The following SLC1A2 variants were observed in gnomAD, a reference collection of about 807,000 sequenced individuals.
SLC1A2 encodes the protein excitatory amino acid transporter 2.
SLC1A2 carries 15 observed loss-of-function variants against 48.8 expected under a neutral mutation model. The ratio of observed to expected loss-of-function variants is 0.31; its 90% CI spans 0.21 to 0.47. SLC1A2 has a LOEUF of 0.47. SLC1A2 is among the 20% of genes least tolerant of loss of function. The pLI, the probability that SLC1A2 is intolerant of heterozygous loss-of-function variation, is 0.99. For missense variants in SLC1A2, 502 were observed against 730.5 expected, an observed-to-expected ratio of 0.69 and a Z score of 3.61; for synonymous variants, 279 against 272.6, an observed-to-expected ratio of 1.02 and a Z score of -0.23.
chr11:35,276,315 C>G (rs1351873821), intron 9 of SLC1A2, among the ~76,000 whole-genome samples: 1 of 152,158 alleles, frequency 6.6e-6, no homozygotes, highest in Non-Finnish European at 1.5e-5. Flanking sequence ...TCACACTCCT[C>G]CCTCCATTTG....
chr11:35,361,349 T>G (rs1393438173), intron 1 of SLC1A2, among the ~76,000 whole-genome samples: 1 of 152,178 alleles, frequency 6.6e-6, no homozygotes, highest in African/African-American at 2.4e-5. Context: ...ATGTTAACTT[T>G]TTGTTTGTTT....
In SLC1A2 at chr11:35,260,477, G is replaced by C. The variant is rs1321008042; in HGVS notation, c.*417C>G. The C allele has an allele frequency of 6.0e-6, 1 of 165,430 alleles. No homozygotes were observed. The highest frequency in any genetic ancestry group is 1.7e-4 in the East Asian group (1 of 5,892). The allele number at this position is 165,430 out of a possible 1,614,324, so 10.2% of individuals were successfully genotyped here. A position where few individuals can be genotyped will look rare whatever the true frequency, so the allele number is the denominator to read the frequency against. ...CTTGTGCATAACAAGGCGAGACATG[G>C]AGAACACTTTAAGGAATAACACGCT... On this transcript the variant is annotated 3_prime_UTR_variant, in exon 11 of 11. Coordinates refer to ENST00000278379, the MANE Select transcript of SLC1A2 (RefSeq NM_004171.4).
intron 1 of SLC1A2, among the ~76,000 whole-genome samples, chr11:35,389,270 C>T (rs1344253579): frequency 6.6e-6 from 1 of 152,114 alleles, no homozygotes; most frequent in Non-Finnish European, 1.5e-5. Flanking sequence ...ATGCTTAAAT[C>T]ACTGGGTGAA....
chr11:35,297,842 C>G (rs901974498), intron 6 of SLC1A2: 1 of 152,172 alleles, frequency 6.6e-6, no homozygotes, highest in African/African-American at 2.4e-5. Context: ...AGACAGTTCC[C>G]AGCACAAAGA....
At chr11:35,335,859 T>A (rs1168069399) in intron 1 of SLC1A2, among the ~76,000 whole-genome samples, 1 of 152,146 alleles carries the variant, frequency 6.6e-6, no homozygotes, top group Non-Finnish European at 1.5e-5. Context: ...TAAATAAAAT[T>A]TTTAAAAAAT....
intron 1 of SLC1A2, among the ~76,000 whole-genome samples, chr11:35,384,676 G>C (rs781240634): frequency 2.0e-5 from 3 of 152,190 alleles, no homozygotes; most frequent in Non-Finnish European, 2.9e-5. Flanking sequence ...CCCAATTTCT[G>C]AATGTTCAGA....
intron 1 of SLC1A2, among the ~76,000 whole-genome samples, chr11:35,344,703 C>G (rs1056795775): frequency 6.6e-6 from 1 of 152,194 alleles, no homozygotes; most frequent in Admixed American, 6.5e-5. Context: ...AAAAGAAGGC[C>G]AACCTCCCTC....
chr11:35,282,893 A>AGAGC (rs1422510412), intron 8 of SLC1A2, among the ~76,000 whole-genome samples: 1 of 152,100 alleles, frequency 6.6e-6, no homozygotes, highest in East Asian at 1.9e-4. Context: ...TGTGTGTGGA[A>AGAGC]TTCTAAGCCC....
intron 6 of SLC1A2, chr11:35,298,394 T>A (rs1026814609): frequency 1.3e-5 from 2 of 152,228 alleles, no homozygotes; most frequent in Non-Finnish European, 2.9e-5. Flanking sequence ...ATTACTATTA[T>A]AACTGCTACA....
At position 35,268,098 on chromosome 11, in the gene SLC1A2, A is replaced by G. The variant is rs959235172; in HGVS notation, c.1422-2340T>C. Reference sequence around the variant, plus strand: ...GGCTACAGACTGTTTCTGTGATTCCATGTTTTTTTCTTCTGGGCATGTCTT... The same window carrying G: ...GGCTACAGACTGTTTCTGTGATTCCGTGTTTTTTTCTTCTGGGCATGTCTT... On this transcript the variant is annotated intron_variant, in intron 9 of 10. Transcript: ENST00000278379. 2.2e-4 allele frequency among the ~76,000 whole-genome samples: 34 copies of G among 152,214 alleles called. 1 individual carries two copies. The highest frequency in any genetic ancestry group is 1.3e-3 in the East Asian group (7 of 5,200).
chr11:35,286,564 GGAGGTATTAATAA>G (rs1364723340), intron 8 of SLC1A2, 180 bp downstream of exon 8: 2 of 459,750 alleles, frequency 4.4e-6, no homozygotes, highest in Non-Finnish European at 7.8e-6. Flanking sequence ...AATACAAACA[GGAGGTATTAATAA>G]GAGTCTTCTT....
chr11:35,299,544 A>C (rs1352563569), intron 6 of SLC1A2: 1 of 152,112 alleles, frequency 6.6e-6, no homozygotes, highest in Non-Finnish European at 1.5e-5. Flanking sequence ...TTTTAAAAGC[A>C]CCGTAAAACA....
chr11:35,323,736 A>G (rs1413377626), intron 1 of SLC1A2, among the ~76,000 whole-genome samples: 1 of 152,244 alleles, frequency 6.6e-6, no homozygotes, highest in Non-Finnish European at 1.5e-5. Flanking sequence ...GCGACAAACC[A>G]ACAGCAACAA....
At chr11:35,341,167 GC>G (rs1315814196) in intron 1 of SLC1A2, among the ~76,000 whole-genome samples, 1 of 152,126 alleles carries the variant, frequency 6.6e-6, no homozygotes, top group Non-Finnish European at 1.5e-5. Context: ...GTTCAGGTTC[GC>G]CCCGAAGTGC....
chr11:35,254,467 G>A lies in SLC1A2; in HGVS notation c.*6427C>T, dbSNP rs149612416. ...AGGGAATTCGCTCCATGGGTCCATGGGGGAGAAACCTCAGAGATGTGCTGG... is the reference window on the plus strand; with the variant it reads ...AGGGAATTCGCTCCATGGGTCCATGAGGGAGAAACCTCAGAGATGTGCTGG... On this transcript the variant is annotated 3_prime_UTR_variant, in exon 11 of 11. Coordinates refer to ENST00000278379, the MANE Select transcript of SLC1A2 (RefSeq NM_004171.4). 4.9e-6 allele frequency: 1 copy of A among 202,728 alleles called. No homozygotes were observed. The highest frequency in any genetic ancestry group is 1.4e-4 in the East Asian group (1 of 7,054). 12.6% of individuals were successfully genotyped at this position (202,728 alleles called of 1,614,324 possible). A position where few individuals can be genotyped will look rare whatever the true frequency, so the allele number is the denominator to read the frequency against.
Position 35,281,005 on chromosome 11 carries a change from T to A in SLC1A2, c.1287-4A>T, listed in dbSNP as rs767866805. ...GCTTGCCAGGGTGGCTGTGAGGCTA[T>A]GAGAACAGAGAAGTTCAGGTCATGG... On this transcript the variant is annotated splice_region_variant and splice_polypyrimidine_tract_variant and intron_variant, in intron 8 of 10. Coordinates refer to ENST00000278379, the MANE Select transcript of SLC1A2 (RefSeq NM_004171.4). 5 of 1,604,304 alleles carry A rather than the reference T, an allele frequency of 3.1e-6. No homozygotes were observed. In the South Asian group the frequency reaches 5.6e-5, roughly 18 times the overall value.
chr11:35,406,837 A>G (rs1206903367), intron 1 of SLC1A2, among the ~76,000 whole-genome samples: 2 of 152,200 alleles, frequency 1.3e-5, no homozygotes, highest in Non-Finnish European at 2.9e-5. Flanking sequence ...TGTAGGATAT[A>G]TGAATCTAGA....
chr11:35,305,955 C>T, intron 5 of SLC1A2, 119 bp downstream of exon 5: 4 of 856,698 alleles, frequency 4.7e-6, no homozygotes, highest in Non-Finnish European at 7.1e-6. Flanking sequence ...AATTGCTCCC[C>T]AGAGAGAGCC....
intron 8 of SLC1A2, 72 bp downstream of exon 8, chr11:35,286,685 T>G: frequency 9.1e-7 from 1 of 1,103,048 alleles, no homozygotes; most frequent in South Asian, 1.8e-5. Flanking sequence ...TCAAGTGGCC[T>G]CTGTCACATG....
Sources: gnomAD v4.1 joint callset for allele counts (sites outside exome capture counted in the v4.1 genomes callset) on GRCh38, gnomAD v4.1.1 for gene constraint, MANE v1.5 for transcripts, NCBI Gene and HGNC (gene_info 2026-07-23, HGNC 2026-07-21) for gene names.